Variants in ARHGAP32 observed in about 807,000 individuals in gnomAD.
ARHGAP32 encodes Rho GTPase activating protein 32.
ARHGAP32 carries 51 observed loss-of-function variants against 186.5 expected under a neutral mutation model. The ratio of observed to expected loss-of-function variants is 0.27; its 90% CI spans 0.22 to 0.35. ARHGAP32 has a LOEUF of 0.35. Ranked by LOEUF, ARHGAP32 falls within the 10% of genes least tolerant of loss-of-function variation. The pLI is 1.00. For synonymous variants in ARHGAP32, 950 were observed against 964.3 expected, an observed-to-expected ratio of 0.99 and a Z score of 0.27; for missense variants, 2,186 against 2,623.5, an observed-to-expected ratio of 0.83 and a Z score of 3.64.
chr11:129,012,436 G>C (rs546499220), intron 11 of ARHGAP32, among the ~76,000 whole-genome samples: 8 of 152,238 alleles, frequency 5.3e-5, no homozygotes, highest in African/African-American at 1.9e-4. Flanking sequence ...TGATATATTG[G>C]TTGCAATGAA....
chr11:129,021,877 G>C (rs1016644144), intron 11 of ARHGAP32, among the ~76,000 whole-genome samples: 19 of 152,044 alleles, frequency 1.2e-4, no homozygotes, highest in African/African-American at 4.3e-4. Context: ...AGAAAAGGAA[G>C]ATTTGCATTT....
intron 1 of ARHGAP32, among the ~76,000 whole-genome samples, chr11:129,213,427 T>C (rs2135595386): frequency 6.6e-6 from 1 of 152,044 alleles, no homozygotes; most frequent in South Asian, 2.1e-4. Context: ...GGTAATAATA[T>C]GAGATTCCCT....
intron 5 of ARHGAP32, among the ~76,000 whole-genome samples, chr11:129,109,496 C>T (rs1220308199): frequency 6.6e-6 from 1 of 152,008 alleles, no homozygotes; most frequent in African/African-American, 2.4e-5. Context: ...TGAGAAATCT[C>T]CATACTGTTT....
chr11:128,971,759 G>A (rs1945381110), intron 22 of ARHGAP32: 1 of 152,308 alleles, frequency 6.6e-6, no homozygotes, highest in South Asian at 2.1e-4. Flanking sequence ...CTCCACTAAG[G>A]TCTAAAATCT....
chr11:128,969,954 G>A lies in ARHGAP32; in HGVS notation c.5259C>T (p.Tyr1753=). ...MPPAADVKHT[Y]TSWDLEDMEK... is the part of the protein sequence containing the mutation. ...CCATGTCCTCAAGATCCCATGAGGT[G>A]TAGGTGTGCTTCACATCAGCAGCCG... The change falls in exon 23 of 23, where the codon TAC becomes TAT. Residue 1753 remains tyrosine (Y), a synonymous_variant. Transcript: ENST00000682385. This position sits in a 1 kb window ranked among gnomAD's most constrained non-coding sequence, Gnocchi z 4.8. 6.2e-7 allele frequency: 1 copy of A among 1,614,204 alleles called. No individual in the cohort carries two copies. Among genetic ancestry groups the A allele is most frequent in the South Asian group, 1.1e-5 (1 of 91,082 alleles).
intron 1 of ARHGAP32, among the ~76,000 whole-genome samples, chr11:129,183,621 A>G (rs1442686588): frequency 1.3e-5 from 2 of 152,072 alleles, no homozygotes; most frequent in Non-Finnish European, 2.9e-5. Context: ...TGTTTGATAT[A>G]CTATTTTAAG....
intron 5 of ARHGAP32, among the ~76,000 whole-genome samples, chr11:129,101,747 G>A (rs906389055): frequency 1.3e-5 from 2 of 152,164 alleles, no homozygotes; most frequent in African/African-American, 2.4e-5. Flanking sequence ...CCCTTAAAGA[G>A]GTGGAGAGAA....
In ARHGAP32 at chr11:128,974,218, C is replaced by G. The variant is rs143086740; in HGVS notation, c.2979G>C (p.Gln993His). The G allele has an allele frequency of 1.2e-6, 2 of 1,614,088 alleles. No individual in the cohort carries two copies. Among genetic ancestry groups the G allele is most frequent in the African/African-American group, 1.3e-5 (1 of 74,934 alleles). Residue 993 changes from glutamine (Q) to histidine (H), a missense_variant, in exon 21 of 23, where the codon CAG (glutamine) becomes CAC (histidine). By Grantham distance (24) the Gln-to-His change is conservative. Transcript: ENST00000682385. ...GCAATTCTACTTCTTCAGCAGCCAC[C>G]TGGTCCAGGGGCTGGACTTCAGATT... ...AYESEVQPLD[Q>H]VAAEEVELPG...
At chr11:129,143,089 A>ATATATATATAT (rs66832335) in intron 2 of ARHGAP32, among the ~76,000 whole-genome samples, 9 of 145,614 alleles carry the variant, frequency 6.2e-5, no homozygotes, top group East Asian at 2.0e-4. Flanking sequence ...ATATATATAT[A>ATATATATATAT]ATCAACTGAA....
chr11:129,029,087 G>A (rs186768867), intron 11 of ARHGAP32, among the ~76,000 whole-genome samples: 38 of 152,192 alleles, frequency 2.5e-4, no homozygotes, highest in Non-Finnish European at 1.3e-4. Flanking sequence ...AGGAAGGGAC[G>A]ATGACTGAAA....
At chr11:128,998,048 T>G (rs924333662) in intron 12 of ARHGAP32, among the ~76,000 whole-genome samples, 2 of 152,098 alleles carry the variant, frequency 1.3e-5, no homozygotes, top group Non-Finnish European at 2.9e-5. Flanking sequence ...AAATAGAAAC[T>G]CAGGCAAAAT....
At chr11:129,115,283 GAAT>G (rs1393494710) in intron 5 of ARHGAP32, among the ~76,000 whole-genome samples, 1 of 152,050 alleles carries the variant, frequency 6.6e-6, no homozygotes, top group East Asian at 1.9e-4. Flanking sequence ...TTCTACAGCA[GAAT>G]TACATCTTAC....
chr11:129,020,146 G>GTATTTTCATTA (rs1938533635), intron 11 of ARHGAP32, among the ~76,000 whole-genome samples: 1 of 151,676 alleles, frequency 6.6e-6, no homozygotes, highest in Non-Finnish European at 1.5e-5. Context: ...AATTTATCAG[G>GTATTTTCATTA]AGAAAAAAAG....
chr11:129,133,661 C>G (rs1411557050), intron 2 of ARHGAP32, among the ~76,000 whole-genome samples: 1 of 152,126 alleles, frequency 6.6e-6, no homozygotes, highest in East Asian at 1.9e-4. Context: ...CATCAAGTGA[C>G]AATATCCTTC....
chr11:128,993,751 G>A (rs936240258), intron 12 of ARHGAP32, among the ~76,000 whole-genome samples: 2 of 151,278 alleles, frequency 1.3e-5, no homozygotes, highest in Non-Finnish European at 2.9e-5. Flanking sequence ...GAGTGCTATG[G>A]TGTGATCATG....
At chr11:129,269,801 G>C (rs758950197) in intron 1 of ARHGAP32, among the ~76,000 whole-genome samples, 4 of 152,064 alleles carry the variant, frequency 2.6e-5, no homozygotes, top group Admixed American at 6.6e-5. Flanking sequence ...TATTCAAAGG[G>C]AAGAAACAAT....
At chr11:129,045,104 C>A (rs1363384704) in intron 10 of ARHGAP32, among the ~76,000 whole-genome samples, 2 of 152,158 alleles carry the variant, frequency 1.3e-5, no homozygotes, top group Non-Finnish European at 2.9e-5. Flanking sequence ...AATCCCTGCC[C>A]TCTTGTTTTA....
At chr11:129,099,164 C>G (rs1941819672) in intron 5 of ARHGAP32, among the ~76,000 whole-genome samples, 1 of 152,130 alleles carries the variant, frequency 6.6e-6, no homozygotes, top group African/African-American at 2.4e-5. Flanking sequence ...CAATCAAAGA[C>G]AGGGATTGGC....
At chr11:129,184,049 A>T (rs149281790) in intron 1 of ARHGAP32, among the ~76,000 whole-genome samples, 2 of 152,168 alleles carry the variant, frequency 1.3e-5, no homozygotes, top group South Asian at 4.1e-4. Flanking sequence ...ACTTAAAAGC[A>T]AGTGGTATCA....
Sources: allele counts gnomAD v4.1 joint callset (sites outside exome capture counted in the v4.1 genomes callset), GRCh38; gene constraint gnomAD v4.1.1; non-coding constraint Gnocchi (gnomAD v3.1); transcripts MANE v1.5; gene names NCBI Gene and HGNC (gene_info 2026-07-23, HGNC 2026-07-21).